The following GTF2E2 variants were observed in gnomAD, a reference collection of about 807,000 sequenced individuals.
The protein encoded by GTF2E2 is general transcription factor IIE subunit 2, also known as transcription initiation factor IIE subunit beta.
Under a neutral mutation model 40.5 loss-of-function variants are expected in GTF2E2, and 21 were observed. The ratio of observed to expected loss-of-function variants is 0.52; its 90% CI spans 0.37 to 0.75. The LOEUF is 0.75. GTF2E2 is among the 30% of genes least tolerant of loss of function. The pLI is 0.00. For missense variants in GTF2E2, 298 were observed against 338.4 expected (o/e 0.88, Z 0.94); for synonymous variants, 117 against 121.6 (o/e 0.96, Z 0.25).
intron 2 of GTF2E2, among the ~76,000 whole-genome samples, chr8:30,652,056 T>C (rs1314682676): frequency 6.6e-6 from 1 of 152,146 alleles, no homozygotes; most frequent in African/African-American, 2.4e-5. Flanking sequence ...TGCTAATCCA[T>C]ACACAAAAAT....
chr8:30,657,017 GTGCTCCTTAC>G, intron 1 of GTF2E2: 1 of 152,152 alleles, frequency 6.6e-6, no homozygotes, highest in South Asian at 2.1e-4. Context: ...CCTAACTCAA[GTGCTCCTTAC>G]ACCAGACCTG....
At chr8:30,656,011 A>C (rs1162272106) in intron 1 of GTF2E2, among the ~76,000 whole-genome samples, 1 of 151,904 alleles carries the variant, frequency 6.6e-6, no homozygotes, top group African/African-American at 2.4e-5. Context: ...GGGTTCATTC[A>C]CCATGTTGGC....
chr8:30,620,157 G>C (rs1801044555), intron 3 of GTF2E2, among the ~76,000 whole-genome samples: 1 of 151,838 alleles, frequency 6.6e-6, no homozygotes, highest in Non-Finnish European at 1.5e-5. Flanking sequence ...TCCAAAACTG[G>C]AAGATAACCA....
chr8:30,657,444 C>G (rs969210316), intron 1 of GTF2E2: 1 of 152,202 alleles, frequency 6.6e-6, no homozygotes, highest in Non-Finnish European at 1.5e-5. Flanking sequence ...CACCTCAGGA[C>G]CCGGCTATGA....
intron 5 of GTF2E2, among the ~76,000 whole-genome samples, chr8:30,608,862 C>T (rs1238166974): frequency 6.6e-6 from 1 of 152,172 alleles, no homozygotes; most frequent in Non-Finnish European, 1.5e-5. Context: ...CATTCTCCTG[C>T]CTCAGCCTCC....
intron 3 of GTF2E2, among the ~76,000 whole-genome samples, chr8:30,631,334 T>C (rs962491283): frequency 6.6e-6 from 1 of 152,168 alleles, no homozygotes; most frequent in African/African-American, 2.4e-5. Flanking sequence ...TAAATATAAG[T>C]AATTCTCAAA....
intron 5 of GTF2E2, among the ~76,000 whole-genome samples, chr8:30,608,308 T>C (rs1454628082): frequency 6.6e-6 from 1 of 152,180 alleles, no homozygotes; most frequent in Non-Finnish European, 1.5e-5. Context: ...ATGGAAACAA[T>C]ATTCTCATCC....
chr8:30,656,517 G>T (rs1802453731), intron 1 of GTF2E2, among the ~76,000 whole-genome samples: 1 of 152,130 alleles, frequency 6.6e-6, no homozygotes, highest in South Asian at 2.1e-4. Flanking sequence ...TACTCTAAAA[G>T]ATTTAAATAG....
intron 3 of GTF2E2, among the ~76,000 whole-genome samples, chr8:30,631,702 T>C (rs1422687711): frequency 6.6e-6 from 1 of 152,240 alleles, no homozygotes; most frequent in African/African-American, 2.4e-5. Flanking sequence ...CTTTCATTAA[T>C]TACCCAAATA....
chr8:30,590,630 A>T (rs985123768), intron 6 of GTF2E2, among the ~76,000 whole-genome samples: 55 of 152,178 alleles, frequency 3.6e-4, no homozygotes, highest in African/African-American at 1.3e-3. Flanking sequence ...AATGGTTTAG[A>T]CATGACACCA....
chr8:30,616,911 C>T (rs1715731988), intron 3 of GTF2E2, among the ~76,000 whole-genome samples: 1 of 151,896 alleles, frequency 6.6e-6, no homozygotes, highest in Admixed American at 6.6e-5. Context: ...AATAAGTATA[C>T]ATTTGAACTT....
chr8:30,629,004 G>T (rs1585982905), intron 3 of GTF2E2, among the ~76,000 whole-genome samples: 1 of 150,370 alleles, frequency 6.7e-6, no homozygotes. Flanking sequence ...TCTTTATTCT[G>T]TTAATATAAC....
At chr8:30,587,556 A>C (rs1828717507) in intron 6 of GTF2E2, among the ~76,000 whole-genome samples, 1 of 151,994 alleles carries the variant, frequency 6.6e-6, no homozygotes, top group Non-Finnish European at 1.5e-5. Context: ...TGTCAGAAAT[A>C]TTCAGACATT....
At chr8:30,653,977 T>C (rs1162689211) in intron 1 of GTF2E2, among the ~76,000 whole-genome samples, 1 of 151,466 alleles carries the variant, frequency 6.6e-6, no homozygotes, top group Non-Finnish European at 1.5e-5. Context: ...CAGTCCCAGC[T>C]ACTCGGGAGG....
At chr8:30,655,846 C>G (rs1802434070) in intron 1 of GTF2E2, among the ~76,000 whole-genome samples, 1 of 152,000 alleles carries the variant, frequency 6.6e-6, no homozygotes, top group Non-Finnish European at 1.5e-5. Context: ...CTCGCTCTGC[C>G]GCCCAGGCTG....
At chr8:30,603,093 T>C (rs1419548860) in intron 6 of GTF2E2, among the ~76,000 whole-genome samples, 4 of 152,204 alleles carry the variant, frequency 2.6e-5, no homozygotes, top group African/African-American at 9.6e-5. Context: ...GGAAGCTCCA[T>C]AAAGACAGGG....
At chr8:30,651,021 A>AG (rs1802257459) in intron 2 of GTF2E2, among the ~76,000 whole-genome samples, 1 of 151,774 alleles carries the variant, frequency 6.6e-6, no homozygotes, top group South Asian at 2.1e-4. Flanking sequence ...CTCAAAAAAA[A>AG]AAAAACCACC....
chr8:30,622,425 C>T (rs887234406), intron 3 of GTF2E2, among the ~76,000 whole-genome samples: 1 of 128,988 alleles, frequency 7.8e-6, no homozygotes, highest in African/African-American at 2.6e-5. Context: ...AGATCATGTG[C>T]TTCACAAGAT....
chr8:30,644,939 C>T (rs553521078), intron 2 of GTF2E2, among the ~76,000 whole-genome samples: 105 of 151,824 alleles, frequency 6.9e-4, no homozygotes, highest in Admixed American at 4.2e-3. Flanking sequence ...TTTGTAGAGA[C>T]GGGTTTCGCC....
Sources: gnomAD v4.1 joint callset for allele counts (sites outside exome capture counted in the v4.1 genomes callset) on GRCh38, gnomAD v4.1.1 for gene constraint, MANE v1.5 for transcripts, NCBI Gene and HGNC (gene_info 2026-07-23, HGNC 2026-07-21) for gene names.